Variants in PGLYRP2 observed in about 807,000 individuals in gnomAD.
PGLYRP2 encodes the protein N-acetylmuramoyl-L-alanine amidase.
PGLYRP2 carries 38 observed loss-of-function variants against 46.2 expected under a neutral mutation model. The ratio of observed to expected loss-of-function variants is 0.82; its 90% CI spans 0.64 to 1.08. The LOEUF is 1.08. Ranked by LOEUF, PGLYRP2 falls within the 50% of genes least tolerant of loss-of-function variation. PGLYRP2 has a pLI of 0.00. For synonymous variants in PGLYRP2, 289 were observed against 329.4 expected (o/e 0.88, Z 1.33); for missense variants, 713 against 755.9 (o/e 0.94, Z 0.67).
chr19:15,469,761 C>CGG lies in PGLYRP2; in HGVS notation c.1510_1511dup (p.Ser505ArgfsTer?). On this transcript the variant is annotated frameshift_variant, in exon 4 of 5. Transcript: ENST00000340880. LOFTEE classifies it high-confidence loss of function. The surrounding 1 kb of genome is among the most constrained non-coding windows in gnomAD (Gnocchi z 4.9). ...GGAGGCCGGCGCGCACCGCACAACT[C>CGG]GGGAGCGTGTCGCGCACCGTGCGCA... 1 of 1,507,052 alleles carries CGG rather than the reference C, an allele frequency of 6.6e-7. No individual in the cohort carries two copies. Among genetic ancestry groups the CGG allele is most frequent in the Non-Finnish European group, 8.8e-7 (1 of 1,135,944 alleles). The allele number at this position is 1,507,052 out of a possible 1,614,324, so 93.4% of individuals were successfully genotyped here.
At position 15,470,033 on chromosome 19, in the gene PGLYRP2, C is replaced by G. The variant is rs901097239; in HGVS notation, c.1344-104G>C. 2.5e-6 allele frequency: 3 copies of G among 1,216,096 alleles called. No individual in the cohort carries two copies. In the African/African-American group the frequency reaches 4.8e-5, roughly 19 times the overall value. The allele number at this position is 1,216,096 out of a possible 1,614,324, so 75.3% of individuals were successfully genotyped here. On this transcript the variant is annotated intron_variant, in intron 3 of 4. Transcript: ENST00000340880. ...GTTGGTGTGCCAAGGGCCACCGACC[C>G]CAAGACCCGCGCGGTCGCGCTGCCT... is the stretch of plus-strand genomic sequence containing the variant.
intron 3 of PGLYRP2, 73 bp from the exon 4 acceptor site, chr19:15,470,002 G>C: frequency 7.6e-7 from 1 of 1,321,844 alleles, no homozygotes; most frequent in Non-Finnish European, 9.7e-7. Context: ...TCCCCTCCCC[G>C]ATTCTGTTGG....
intron 3 of PGLYRP2, among the ~76,000 whole-genome samples, chr19:15,470,258 T>TTCCC (rs1970733736): frequency 8.5e-6 from 1 of 117,578 alleles, no homozygotes; most frequent in Non-Finnish European, 1.8e-5. Flanking sequence ...CCTTCCTTCC[T>TTCCC]TCCTTCCTTC....
At chr19:15,471,833 C>A in intron 3 of PGLYRP2, 57 bp downstream of exon 3, 2 of 1,576,382 alleles carry the variant, frequency 1.3e-6, no homozygotes, top group South Asian at 2.3e-5. Flanking sequence ...GCTCCGCCCA[C>A]TCAGACCCCA....
chr19:15,475,919 G>C lies in PGLYRP2; in HGVS notation c.751C>G (p.Gln251Glu). The change falls in exon 2 of 5, where the codon CAG becomes GAG. Residue 251 changes from glutamine to glutamate, a missense_variant. Transcript: ENST00000340880. ...GTAAAGGTCCGAGGGGCAGAGAGCTGGTCCCAGCAGCCCTCAGTTCCCAGG... is the reference window on the plus strand; with the variant it reads ...GTAAAGGTCCGAGGGGCAGAGAGCTCGTCCCAGCAGCCCTCAGTTCCCAGG... ...PDLGTEGCWDQLSAPRTFTLL... is the reference protein window; with the variant it reads ...PDLGTEGCWDELSAPRTFTLL... 6.2e-7 allele frequency: 1 copy of C among 1,614,142 alleles called. No homozygotes were observed. The highest frequency in any genetic ancestry group is 1.3e-5 in the African/African-American group (1 of 75,030).
chr19:15,476,578 A>T lies in PGLYRP2; in HGVS notation c.92T>A (p.Ile31Asn). 1 of 1,610,282 alleles carries T rather than the reference A, an allele frequency of 6.2e-7. No individual in the cohort carries two copies. The highest frequency in any genetic ancestry group is 1.1e-5 in the South Asian group (1 of 90,510). ...CTGCTCCAGCTCAGCCAGGGCCTGG[A>T]TGACAGAGTCCATGAGCAGGGGCAG... Reference protein sequence around the residue: ...ASLPLLMDSVIQALAELEQKV... With the variant: ...ASLPLLMDSVNQALAELEQKV... The change falls in exon 2 of 5, where the codon ATC becomes AAC. Residue 31 changes from isoleucine (I) to asparagine (N), a missense_variant. Physicochemically the swap from Ile to Asn is moderately radical, Grantham distance 149. Transcript: ENST00000340880.
Position 15,469,680 on chromosome 19 carries a change from G to T in PGLYRP2, c.1593C>A (p.Pro531=), listed in dbSNP as rs749504321. Residue 531 remains proline (P), a synonymous_variant, in exon 4 of 5, where the codon CCC becomes CCA. Transcript: ENST00000340880. The surrounding 1 kb of genome is among the most constrained non-coding windows in gnomAD (Gnocchi z 4.9). ...GCAGCAGGTCGAAGAGCGCGTCGCC[G>T]GGGCAGTCGGTGCGCACCAGCTGGC... ...GHRQLVRTDC[P]GDALFDLLRT... 78 of 1,537,918 alleles carry T rather than the reference G, an allele frequency of 5.1e-5. No individual in the cohort carries two copies. The highest frequency in any genetic ancestry group is 6.5e-5 in the Non-Finnish European group (74 of 1,147,214).
At chr19:15,471,262 G>A (rs1970746356) in intron 3 of PGLYRP2, among the ~76,000 whole-genome samples, 1 of 151,852 alleles carries the variant, frequency 6.6e-6, no homozygotes, top group African/African-American at 2.4e-5. Flanking sequence ...ACAGGCACCC[G>A]CCATCACGCC....
rs770696777 is a variant in PGLYRP2 at position 15,468,702 on chromosome 19, C to T, written c.1692G>A (p.Glu564=). Reference sequence around the variant, plus strand: ...TGGCTGGCAGGGTCCTTGGGGGTGGCTCCCTCCTGGATCTCTTAGAGACAC... The same window carrying T: ...TGGCTGGCAGGGTCCTTGGGGGTGGTTCCCTCCTGGATCTCTTAGAGACAC... ...ARSVSKRSRR[E]PPPRTLPATD... The change falls in exon 5 of 5, where the codon GAG becomes GAA. Residue 564 remains glutamate (E), a synonymous_variant. Transcript: ENST00000340880. The T allele has an allele frequency of 6.2e-7, 1 of 1,613,080 alleles. No individual in the cohort carries two copies. The highest frequency in any genetic ancestry group is 1.7e-5 in the Admixed American group (1 of 59,806).
In PGLYRP2 at chr19:15,475,667, G is replaced by A. The variant is rs759162692; in HGVS notation, c.1003C>T (p.Gln335Ter). ...AGAAGGACAAGGGTTCCCCACACCT[G>A]CTGGGCCAGGATGGAGGCTGAAGTC... ...ALTSASILAQ[Q>*]VWGTLVLLQR... is the part of the protein sequence containing the mutation. Residue 335 changes from glutamine (Q) to a stop codon, truncating the protein, a stop_gained, in exon 2 of 5, where the codon CAG becomes TAG. Coordinates refer to ENST00000340880, the MANE Select transcript of PGLYRP2 (RefSeq NM_052890.4). LOFTEE classifies it high-confidence loss of function. The A allele has an allele frequency of 8.1e-6, 13 of 1,614,174 alleles. No homozygotes were observed. In the South Asian group the frequency reaches 1.3e-4, roughly 16 times the overall value.
At position 15,476,410 on chromosome 19, in the gene PGLYRP2, C is replaced by T; in HGVS notation, c.260G>A (p.Ser87Asn). The change falls in exon 2 of 5, where the codon AGC becomes AAC. Residue 87 changes from serine to asparagine, a missense_variant. Ser to Asn is a conservative substitution (Grantham distance 46). Transcript: ENST00000340880. ...NATELDPCPL[S>N]PELLGLTKEV... Reference sequence around the variant, plus strand: ...CTTGGTCAGGCCTAACAGCTCTGGGCTTAGTGGGCAGGGATCCAACTCTGT... The same window carrying T: ...CTTGGTCAGGCCTAACAGCTCTGGGTTTAGTGGGCAGGGATCCAACTCTGT... The T allele has an allele frequency of 6.2e-7, 1 of 1,614,050 alleles. No individual in the cohort carries two copies. Among genetic ancestry groups the T allele is most frequent in the South Asian group, 1.1e-5 (1 of 91,070 alleles).
At position 15,479,422 on chromosome 19, in the gene PGLYRP2, G is replaced by T; in HGVS notation, c.-51C>A. ...GGTATTTCTGGTTGGCCTCGGCAGAGAACCTCGGCAGTGCTGGAGGGAGAC... is the reference window on the plus strand; with the variant it reads ...GGTATTTCTGGTTGGCCTCGGCAGATAACCTCGGCAGTGCTGGAGGGAGAC... On this transcript the variant is annotated 5_prime_UTR_variant, in exon 1 of 5. Transcript: ENST00000340880. 6.3e-7 allele frequency: 1 copy of T among 1,576,636 alleles called. No individual in the cohort carries two copies. Among genetic ancestry groups the T allele is most frequent in the South Asian group, 1.1e-5 (1 of 88,908 alleles).
chr19:15,476,975 G>A (rs145426521), intron 1 of PGLYRP2, among the ~76,000 whole-genome samples: 1 of 152,198 alleles, frequency 6.6e-6, no homozygotes, highest in Non-Finnish European at 1.5e-5. Context: ...GTGGCAGAAG[G>A]TAGGTAGTGA....
intron 2 of PGLYRP2, among the ~76,000 whole-genome samples, chr19:15,473,470 C>CAAAAAAAAAAAA (rs56053684): frequency 2.7e-5 from 1 of 36,478 alleles, no homozygotes; most frequent in Non-Finnish European, 4.6e-5. Context: ...AACTCTGTCT[C>CAAAAAAAAAAAA]AAAAAAAAAA....
Position 15,472,080 on chromosome 19 carries a change from GGGGGTGGATGGC to G in PGLYRP2, c.1141_1152del (p.Ala381_Pro384del). 6.2e-7 allele frequency: 1 copy of G among 1,603,460 alleles called. No individual in the cohort carries two copies. Among genetic ancestry groups the G allele is most frequent in the Non-Finnish European group, 8.5e-7 (1 of 1,179,560 alleles). On this transcript the variant is annotated inframe_deletion, in exon 3 of 5. Coordinates refer to ENST00000340880, the MANE Select transcript of PGLYRP2 (RefSeq NM_052890.4). The stretch of plus-strand genomic sequence containing the variant: ...TAAGGCGCCGCTCCCCAGCGGCAGC[GGGGGTGGATGGC>G]CGGGCATCCTACAGGCAAGGGGGTT...
intron 2 of PGLYRP2, 59 bp from the exon 3 acceptor site, chr19:15,472,159 C>A: frequency 7.0e-7 from 1 of 1,435,254 alleles, no homozygotes; most frequent in Non-Finnish European, 9.5e-7. Flanking sequence ...TGTTCCTCCA[C>A]CCGCATTAAA....
At position 15,469,225 on chromosome 19, in the gene PGLYRP2, G is replaced by T. The variant is rs1263957104; in HGVS notation, c.1641+407C>A. On this transcript the variant is annotated intron_variant, in intron 4 of 4. Coordinates refer to ENST00000340880, the MANE Select transcript of PGLYRP2 (RefSeq NM_052890.4). This position sits in a 1 kb window ranked among gnomAD's most constrained non-coding sequence, Gnocchi z 4.9. ...GGGTAGGGGCAGGGGTGAGGTCAAGGTTCGGCGGGCCAGGATGAGGTGGTG... is the reference window on the plus strand; with the variant it reads ...GGGTAGGGGCAGGGGTGAGGTCAAGTTTCGGCGGGCCAGGATGAGGTGGTG... The T allele has an allele frequency of 5.0e-6, 3 of 597,160 alleles. No homozygotes were observed. The highest frequency in any genetic ancestry group is 2.0e-5 in the South Asian group (1 of 49,762). 37.0% of individuals were successfully genotyped at this position (597,160 alleles called of 1,614,324 possible).
intron 1 of PGLYRP2, among the ~76,000 whole-genome samples, chr19:15,478,630 GT>G (rs1165681147): frequency 1.2e-3 from 157 of 128,194 alleles, no homozygotes; most frequent in South Asian, 2.1e-3. Flanking sequence ...ATTTGCCTTT[GT>G]TTTTTTTTTT....
At chr19:15,475,395 T>C in intron 2 of PGLYRP2, 143 bp downstream of exon 2, 1 of 743,144 alleles carries the variant, frequency 1.3e-6, no homozygotes, top group Non-Finnish European at 2.2e-6. Flanking sequence ...TTTCCTCACC[T>C]GTGCAGCTGT....
Sources: gnomAD v4.1 joint callset for allele counts (sites outside exome capture counted in the v4.1 genomes callset) on GRCh38, gnomAD v4.1.1 for gene constraint, Gnocchi (gnomAD v3.1) non-coding constraint, MANE v1.5 for transcripts, NCBI Gene and HGNC (gene_info 2026-07-23, HGNC 2026-07-21) for gene names.